The following WWC1 variants were observed in gnomAD, a reference collection of about 807,000 sequenced individuals.
WWC1 encodes protein KIBRA.
In WWC1, 55 loss-of-function variants were observed where a neutral mutation model predicts 138.4. The ratio of observed to expected loss-of-function variants is 0.40; its 90% CI spans 0.32 to 0.50. WWC1 has a LOEUF of 0.50. Among genes scored for constraint, WWC1 ranks in the 20% least tolerant of loss-of-function variants. WWC1 has a pLI of 0.72. For missense variants in WWC1, 1,226 were observed against 1,420.4 expected, an observed-to-expected ratio of 0.86 and a Z score of 2.20; for synonymous variants, 524 against 564.9, an observed-to-expected ratio of 0.93 and a Z score of 1.03.
intron 11 of WWC1, among the ~76,000 whole-genome samples, chr5:168,426,725 G>T (rs929064335): frequency 6.6e-6 from 1 of 152,204 alleles, no homozygotes; most frequent in Non-Finnish European, 1.5e-5. Context: ...GACCCGCCTT[G>T]TCACCCATCG....
chr5:168,456,947 A>G (rs771320620), intron 19 of WWC1, among the ~76,000 whole-genome samples: 1 of 151,988 alleles, frequency 6.6e-6, no homozygotes, highest in Non-Finnish European at 1.5e-5. Context: ...AGTGTTTTTT[A>G]AGTGACCCTT....
At chr5:168,423,511 C>T (rs760471671) in intron 10 of WWC1, 22 bp from the exon 11 acceptor site, 2 of 1,593,676 alleles carry the variant, frequency 1.3e-6, no homozygotes, top group South Asian at 2.3e-5. Context: ...ATCTCACTGT[C>T]CTTCCCCTCC....
At chr5:168,336,906 C>T (rs1349586943) in intron 1 of WWC1, among the ~76,000 whole-genome samples, 1 of 152,098 alleles carries the variant, frequency 6.6e-6, no homozygotes, top group Non-Finnish European at 1.5e-5. Context: ...AAAGTGGTGA[C>T]GCCGACTTCA....
At chr5:168,381,410 A>T (rs555618379) in intron 2 of WWC1, among the ~76,000 whole-genome samples, 20 of 152,098 alleles carry the variant, frequency 1.3e-4, no homozygotes, top group Non-Finnish European at 2.5e-4. Flanking sequence ...AGGCGATTCC[A>T]CCTGGAGCCC....
chr5:168,431,837 A>G lies in WWC1; in HGVS notation c.2280+393A>G, dbSNP rs116276479. ...GTAATCCCAACCCTTTGGGAGGCCA[A>G]GGCCAGAGGATCACTCAAGTGCAGG... is the stretch of plus-strand genomic sequence containing the variant. On this transcript the variant is annotated intron_variant, in intron 15 of 22. Coordinates refer to ENST00000265293, the MANE Select transcript of WWC1 (RefSeq NM_015238.3). 2.3e-3 allele frequency among the ~76,000 whole-genome samples: 350 copies of G among 152,316 alleles called. 3 individuals carry two copies. The highest frequency in any genetic ancestry group is 8.0e-3 in the African/African-American group (333 of 41,580).
At chr5:168,331,818 G>T (rs1450201416) in intron 1 of WWC1, among the ~76,000 whole-genome samples, 1 of 152,176 alleles carries the variant, frequency 6.6e-6, no homozygotes, top group Non-Finnish European at 1.5e-5. Context: ...CAAAGTAATT[G>T]TCAGCGGCTT....
intron 1 of WWC1, among the ~76,000 whole-genome samples, chr5:168,320,891 G>T (rs1261097360): frequency 2.0e-5 from 3 of 152,112 alleles, no homozygotes; most frequent in Admixed American, 6.5e-5. Flanking sequence ...GCAACCAGAA[G>T]ACAGGAACAA....
At chr5:168,359,033 G>GGTGT (rs58992917) in intron 1 of WWC1, among the ~76,000 whole-genome samples, 5,534 of 148,184 alleles carry the variant, frequency 0.037, 238 homozygotes, top group African/African-American at 0.11. Context: ...GTGGTGGTGG[G>GGTGT]GTGTGTGTGT....
chr5:168,389,597 G>GTTTTTT (rs55873477), intron 3 of WWC1, among the ~76,000 whole-genome samples: 3 of 129,330 alleles, frequency 2.3e-5, no homozygotes, highest in Non-Finnish European at 3.2e-5. Context: ...TTGAATTTTT[G>GTTTTTT]TTTTTTTTTT....
At chr5:168,306,124 G>A (rs777620620) in intron 1 of WWC1, among the ~76,000 whole-genome samples, 16 of 152,224 alleles carry the variant, frequency 1.1e-4, no homozygotes, top group Non-Finnish European at 5.9e-5. Context: ...ATGGCCGGGT[G>A]CAGTGGCTCA....
intron 15 of WWC1, among the ~76,000 whole-genome samples, chr5:168,438,829 A>G (rs1754489758): frequency 6.6e-6 from 1 of 152,174 alleles, no homozygotes; most frequent in Non-Finnish European, 1.5e-5. Flanking sequence ...AAGTCACTTG[A>G]AATAATCCCC....
At chr5:168,376,821 T>G (rs562460868) in intron 2 of WWC1, among the ~76,000 whole-genome samples, 7 of 152,324 alleles carry the variant, frequency 4.6e-5, no homozygotes, top group African/African-American at 1.7e-4. Flanking sequence ...GCTCATGGAT[T>G]GGAAGAATCA....
chr5:168,315,450 C>CT (rs1445712620), intron 1 of WWC1, among the ~76,000 whole-genome samples: 5 of 152,082 alleles, frequency 3.3e-5, no homozygotes, highest in Non-Finnish European at 5.9e-5. Flanking sequence ...CCGCTGCGCT[C>CT]TGATACTACC....
At chr5:168,358,976 A>G (rs1176718009) in intron 1 of WWC1, among the ~76,000 whole-genome samples, 1 of 151,202 alleles carries the variant, frequency 6.6e-6, no homozygotes, top group Non-Finnish European at 1.5e-5. Flanking sequence ...TTTTTCTAGA[A>G]TTTCATATAA....
At chr5:168,405,804 A>G (rs10044829) in intron 5 of WWC1, among the ~76,000 whole-genome samples, 40,410 of 147,356 alleles carry the variant, frequency 0.27, 5,637 homozygotes, top group Middle Eastern at 0.33. Context: ...TCAGCTCACT[A>G]CAACCTCTGC....
chr5:168,308,568 C>G (rs1393791577), intron 1 of WWC1, among the ~76,000 whole-genome samples: 1 of 152,134 alleles, frequency 6.6e-6, no homozygotes, highest in Non-Finnish European at 1.5e-5. Context: ...GCTCTCAAGG[C>G]AGTGTCATCT....
intron 1 of WWC1, among the ~76,000 whole-genome samples, chr5:168,295,847 G>A (rs1354057150): frequency 6.6e-6 from 1 of 152,168 alleles, no homozygotes; most frequent in East Asian, 1.9e-4. Flanking sequence ...GGAAGACTGG[G>A]AGGCCGAAAT....
chr5:168,418,557 C>T (rs1459152369), intron 9 of WWC1, among the ~76,000 whole-genome samples: 46 of 152,118 alleles, frequency 3.0e-4, no homozygotes, highest in Admixed American at 3.0e-3. Flanking sequence ...CCTGCAAAAC[C>T]CAATGCCACT....
chr5:168,418,070 T>G (rs1020039138), intron 9 of WWC1, among the ~76,000 whole-genome samples: 9 of 152,202 alleles, frequency 5.9e-5, no homozygotes, highest in Admixed American at 2.6e-4. Flanking sequence ...CTCCCCTCGC[T>G]CCTCTTTCTC....
Sources: gnomAD v4.1 joint callset for allele counts (sites outside exome capture counted in the v4.1 genomes callset) on GRCh38, gnomAD v4.1.1 for gene constraint, MANE v1.5 for transcripts, NCBI Gene and HGNC (gene_info 2026-07-23, HGNC 2026-07-21) for gene names.